The following PLEKHA6 variants were observed in gnomAD, a reference collection of about 807,000 sequenced individuals.
PLEKHA6 encodes pleckstrin homology domain-containing family A member 6.
In PLEKHA6, 60 loss-of-function variants were observed where a neutral mutation model predicts 116.7. The observed-to-expected ratio is 0.51, with a 90% CI of 0.42 to 0.64. The LOEUF (loss-of-function observed/expected upper bound fraction) is 0.64. Among genes scored for constraint, PLEKHA6 ranks in the 30% least tolerant of loss-of-function variants. The pLI, the probability that PLEKHA6 is intolerant of heterozygous loss-of-function variation, is 0.00. For missense variants in PLEKHA6, 1,338 were observed against 1,422.7 expected, an observed-to-expected ratio of 0.94 and a Z score of 0.96; for synonymous variants, 489 against 556.1, an observed-to-expected ratio of 0.88 and a Z score of 1.70.
intron 1 of PLEKHA6, among the ~76,000 whole-genome samples, chr1:204,335,054 T>C (rs944615320): frequency 2.0e-5 from 3 of 152,174 alleles, no homozygotes; most frequent in Non-Finnish European, 2.9e-5. Context: ...TTGACCAATG[T>C]CTCTTCCTTC....
intron 6 of PLEKHA6, chr1:204,262,170 C>T (rs1353657839): frequency 6.6e-6 from 1 of 152,260 alleles, no homozygotes; most frequent in East Asian, 1.9e-4. Context: ...TCAGCATTCC[C>T]CCGGGAATGG....
Position 204,271,290 on chromosome 1 carries a change from C to T in PLEKHA6, c.102+2336G>A, listed in dbSNP as rs147397789. The stretch of plus-strand genomic sequence containing the variant: ...TCTATCTCTTCCATTGCACCATGAG[C>T]TCTTTGCAGGGAGGAACTTTTGTCT... On this transcript the variant is annotated intron_variant, in intron 3 of 22. Transcript: ENST00000272203. Among the ~76,000 whole-genome samples the T allele has an allele frequency of 5.9e-5, 9 of 152,298 alleles. 1 individual carries two copies. In the East Asian group the frequency reaches 1.7e-3, roughly 29 times the overall value.
In PLEKHA6 at chr1:204,230,403, A is replaced by G. The variant is rs576178491; in HGVS notation, c.2583+10T>C. ...AGGCTCACGCCTGTGGGTAGCTGGG[A>G]AGGCATTACCACTTTGTAGGCTGGC... On this transcript the variant is annotated intron_variant, in intron 18 of 22. Transcript: ENST00000272203. The G allele has an allele frequency of 2.6e-5, 41 of 1,567,750 alleles. No individual in the cohort carries two copies. In the African/African-American group the frequency reaches 4.4e-4, roughly 17 times the overall value.
chr1:204,255,468 G>A (rs991843154), intron 9 of PLEKHA6, among the ~76,000 whole-genome samples: 6 of 152,216 alleles, frequency 3.9e-5, no homozygotes, highest in African/African-American at 1.2e-4. Flanking sequence ...TTGAAGAGAA[G>A]GGGTGTGTAG....
chr1:204,374,643 C>T (rs1673834442), intron 1 of PLEKHA6, among the ~76,000 whole-genome samples: 1 of 152,084 alleles, frequency 6.6e-6, no homozygotes, highest in South Asian at 2.1e-4. Context: ...GTTGAGCATC[C>T]CAGCCTTGCA....
At chr1:204,242,585 A>G (rs1304567515) in intron 15 of PLEKHA6, among the ~76,000 whole-genome samples, 2 of 152,200 alleles carry the variant, frequency 1.3e-5, no homozygotes, top group Admixed American at 6.5e-5. Context: ...ACCTAACTGC[A>G]TATCTCCTGG....
intron 1 of PLEKHA6, among the ~76,000 whole-genome samples, chr1:204,353,832 C>T (rs1673347265): frequency 6.6e-6 from 1 of 152,102 alleles, no homozygotes; most frequent in Non-Finnish European, 1.5e-5. Context: ...TCACCATACT[C>T]CCACCCGCAC....
chr1:204,266,276 G>C (rs1666808254), intron 5 of PLEKHA6, among the ~76,000 whole-genome samples: 1 of 152,154 alleles, frequency 6.6e-6, no homozygotes, highest in Admixed American at 6.5e-5. Context: ...CAGAGATGGA[G>C]CCCCTGCATG....
intron 1 of PLEKHA6, among the ~76,000 whole-genome samples, chr1:204,342,361 C>G (rs778335637): frequency 6.6e-6 from 1 of 152,138 alleles, no homozygotes; most frequent in Non-Finnish European, 1.5e-5. Flanking sequence ...TTATTATGAG[C>G]ATTCCAAGAA....
At chr1:204,297,942 T>C (rs1473579861) in intron 1 of PLEKHA6, 2 of 973,640 alleles carry the variant, frequency 2.1e-6, no homozygotes, top group Non-Finnish European at 2.4e-6. Flanking sequence ...CTCCCCCTAC[T>C]CCTCATATCT....
At chr1:204,289,011 T>C (rs1475548827) in intron 1 of PLEKHA6, among the ~76,000 whole-genome samples, 1 of 152,144 alleles carries the variant, frequency 6.6e-6, no homozygotes, top group Non-Finnish European at 1.5e-5. Context: ...GCAACTGATT[T>C]GGGGGAAATC....
Position 204,223,532 on chromosome 1 carries a change from C to T in PLEKHA6, c.3085G>A (p.Ala1029Thr), listed in dbSNP as rs1437375997. ...GGGGATTCAGACGACAGGGGGTTTG[C>T]TGGAGGAGCCGGGGAAGCAGGGGAG... Reference protein sequence around the residue: ...PTSPASPAPPANPLSSESPRG... With the variant: ...PTSPASPAPPTNPLSSESPRG... Residue 1029 changes from alanine to threonine, a missense_variant, in exon 22 of 23, where the codon GCA (alanine) becomes ACA (threonine). Coordinates refer to ENST00000272203, the MANE Select transcript of PLEKHA6 (RefSeq NM_014935.5). The surrounding 1 kb of genome is among the most constrained non-coding windows in gnomAD (Gnocchi z 4.8). The T allele has an allele frequency of 4.6e-6, 7 of 1,533,244 alleles. No individual in the cohort carries two copies. Among genetic ancestry groups the T allele is most frequent in the African/African-American group, 1.4e-5 (1 of 71,668 alleles). 95.0% of individuals were successfully genotyped at this position (1,533,244 alleles called of 1,614,324 possible).
chr1:204,224,493 G>A (rs896474684), intron 21 of PLEKHA6, among the ~76,000 whole-genome samples: 5 of 149,990 alleles, frequency 3.3e-5, no homozygotes, highest in African/African-American at 4.9e-5. Flanking sequence ...CCAGTCCCTC[G>A]TCCCCCACCC....
At chr1:204,346,954 C>T (rs11240724) in intron 1 of PLEKHA6, 805,744 of 1,180,186 alleles carry the variant, frequency 0.68, 277,997 homozygotes, top group East Asian at 0.84. Flanking sequence ...GAAGCTATCT[C>T]GGCTCTTAGA....
At chr1:204,373,281 G>A (rs370827766) in intron 1 of PLEKHA6, among the ~76,000 whole-genome samples, 10 of 151,944 alleles carry the variant, frequency 6.6e-5, no homozygotes, top group South Asian at 2.1e-4. Context: ...CAGTAGAGAC[G>A]GAGTTTCACC....
chr1:204,352,198 AC>A (rs1260219824), intron 1 of PLEKHA6, among the ~76,000 whole-genome samples: 1 of 151,894 alleles, frequency 6.6e-6, no homozygotes, highest in Non-Finnish European at 1.5e-5. Context: ...ACATGGTGAA[AC>A]CCCATCTCTA....
In PLEKHA6 at chr1:204,319,772, T is replaced by C. The variant is rs555387609; in HGVS notation, c.-95+39922A>G. On this transcript the variant is annotated intron_variant, in intron 1 of 22. Coordinates refer to ENST00000272203, the MANE Select transcript of PLEKHA6 (RefSeq NM_014935.5). ...TGGCATATAAACATTTCTCAATAAA[T>C]ATTTGGGGAAGAAAGGGAGGAAAGG... Among the ~76,000 whole-genome samples the C allele has an allele frequency of 2.0e-4, 30 of 151,716 alleles. No homozygotes were observed. In the East Asian group the frequency reaches 5.8e-3, roughly 29 times the overall value.
chr1:204,285,632 C>G (rs770887524), intron 1 of PLEKHA6, among the ~76,000 whole-genome samples: 1 of 152,086 alleles, frequency 6.6e-6, no homozygotes, highest in Non-Finnish European at 1.5e-5. Context: ...CGGGCCACCA[C>G]GCTTGGCTAA....
At chr1:204,295,442 G>T (rs1229472633) in intron 1 of PLEKHA6, among the ~76,000 whole-genome samples, 1 of 149,990 alleles carries the variant, frequency 6.7e-6, no homozygotes, top group African/African-American at 2.5e-5. Context: ...GTGAGCTGAG[G>T]TCATGCTATT....
Sources: gnomAD v4.1 joint callset for allele counts (sites outside exome capture counted in the v4.1 genomes callset) on GRCh38, gnomAD v4.1.1 for gene constraint, Gnocchi (gnomAD v3.1) non-coding constraint, MANE v1.5 for transcripts, NCBI Gene and HGNC (gene_info 2026-07-23, HGNC 2026-07-21) for gene names.